TRDN: variants seen among roughly 807,000 people sequenced by gnomAD.
TRDN encodes the protein triadin in skeletal muscle.
TRDN carries 161 observed loss-of-function variants against 149.7 expected under a neutral mutation model. The observed-to-expected ratio is 1.08, with a 90% CI of 0.95 to 1.23. The LOEUF is 1.23. TRDN is among the 50% of genes most tolerant of loss of function. TRDN has a pLI of 0.00. For synonymous variants in TRDN, 294 were observed against 250.5 expected (o/e 1.17, Z -1.64); for missense variants, 896 against 823.5 (o/e 1.09, Z -1.08).
At chr6:123,629,008 T>C (rs999296414) in intron 1 of TRDN, among the ~76,000 whole-genome samples, 3 of 152,292 alleles carry the variant, frequency 2.0e-5, no homozygotes, top group Admixed American at 2.0e-4. Context: ...CATTTTACTA[T>C]ACTGTAGTAA....
chr6:123,246,368 C>T (rs1776181088), intron 38 of TRDN, among the ~76,000 whole-genome samples: 2 of 151,906 alleles, frequency 1.3e-5, no homozygotes, highest in Non-Finnish European at 1.5e-5. Flanking sequence ...AAAGAAGAAT[C>T]AAATAGACAC....
chr6:123,313,233 C>T lies in TRDN; in HGVS notation c.1510+3224G>A, dbSNP rs191907936. Among the ~76,000 whole-genome samples the T allele has an allele frequency of 7.9e-5, 12 of 151,978 alleles. No homozygotes were observed. The East Asian group carries it at 2.3e-3, about 30-fold the overall frequency. On this transcript the variant is annotated intron_variant, in intron 24 of 40. Transcript: ENST00000334268. Reference sequence around the variant, plus strand: ...TCCTTGCATTGCATTAGAATGTGCTCCTTTAGCTTAGTGAAGATCAATTTT... The same window carrying T: ...TCCTTGCATTGCATTAGAATGTGCTTCTTTAGCTTAGTGAAGATCAATTTT...
intron 24 of TRDN, among the ~76,000 whole-genome samples, chr6:123,289,930 A>G (rs1218244541): frequency 6.6e-6 from 1 of 152,128 alleles, no homozygotes; most frequent in Non-Finnish European, 1.5e-5. Flanking sequence ...ACAGAAAAAA[A>G]GTTCTCCACC....
chr6:123,436,022 AAC>A (rs1172747290), intron 12 of TRDN, among the ~76,000 whole-genome samples: 2 of 152,092 alleles, frequency 1.3e-5, no homozygotes, highest in Non-Finnish European at 2.9e-5. Context: ...AGCACACACA[AAC>A]ACACACAAAA....
intron 20 of TRDN, among the ~76,000 whole-genome samples, chr6:123,362,074 G>A (rs1359178174): frequency 6.6e-6 from 1 of 151,908 alleles, no homozygotes; most frequent in Non-Finnish European, 1.5e-5. Flanking sequence ...TTGTTATTAA[G>A]AATATTAACA....
intron 10 of TRDN, chr6:123,462,112 C>T (rs1407732777): frequency 6.6e-6 from 1 of 152,070 alleles, no homozygotes; most frequent in Non-Finnish European, 1.5e-5. Context: ...CTTTTCAAAA[C>T]CTATTGTAGC....
intron 1 of TRDN, among the ~76,000 whole-genome samples, chr6:123,599,067 G>A (rs797009865): frequency 3.4e-4 from 51 of 152,090 alleles, no homozygotes; most frequent in African/African-American, 1.2e-3. Flanking sequence ...AATAGTTGCA[G>A]TACTTAGCAA....
intron 1 of TRDN, among the ~76,000 whole-genome samples, chr6:123,585,124 C>G (rs988828854): frequency 7.0e-6 from 1 of 143,816 alleles, no homozygotes; most frequent in Non-Finnish European, 1.5e-5. Context: ...GTAGAGGTAT[C>G]TTATACTTGT....
chr6:123,328,367 C>A (rs1180495563), intron 23 of TRDN, among the ~76,000 whole-genome samples: 1 of 152,182 alleles, frequency 6.6e-6, no homozygotes, highest in African/African-American at 2.4e-5. Flanking sequence ...TGACCACACA[C>A]CCCCAACCAA....
rs560417470 is a variant in TRDN, at chr6:123,585,269, T to TA, written c.23-14138dup. Among the ~76,000 whole-genome samples the TA allele has an allele frequency of 9.0e-3, 1,371 of 151,878 alleles. 12 individuals are homozygous for TA. The highest frequency in any genetic ancestry group is 0.03 in the African/African-American group (1,231 of 41,402). On this transcript the variant is annotated intron_variant, in intron 1 of 40. Transcript: ENST00000334268. ...ATTTAGTTAAAGTGTCTCGGCCTAA[T>TA]AGGGAACTGGGCAGGTGGGGATAAT...
At chr6:123,225,703 A>G (rs1204647728) in intron 38 of TRDN, among the ~76,000 whole-genome samples, 1 of 151,790 alleles carries the variant, frequency 6.6e-6, no homozygotes, top group African/African-American at 2.4e-5. Flanking sequence ...CAATAAAATT[A>G]GTGGGGAAAG....
At chr6:123,476,919 T>G (rs1024437243) in intron 9 of TRDN, among the ~76,000 whole-genome samples, 4 of 150,246 alleles carry the variant, frequency 2.7e-5, no homozygotes, top group African/African-American at 9.8e-5. Context: ...TCAAGATGGA[T>G]TAAAGACTTA....
intron 1 of TRDN, among the ~76,000 whole-genome samples, chr6:123,600,783 T>C (rs757470856): frequency 6.6e-6 from 1 of 152,104 alleles, no homozygotes. Context: ...GAGACGTTCA[T>C]AAGTACAGGG....
chr6:123,454,776 G>A (rs771372232), intron 10 of TRDN, among the ~76,000 whole-genome samples: 2 of 152,210 alleles, frequency 1.3e-5, no homozygotes, highest in Non-Finnish European at 1.5e-5. Context: ...AGGGATCTAG[G>A]TTGCATGCTC....
intron 23 of TRDN, among the ~76,000 whole-genome samples, chr6:123,324,659 A>T (rs1280523913): frequency 6.6e-6 from 1 of 152,156 alleles, no homozygotes; most frequent in Non-Finnish European, 1.5e-5. Context: ...CTCTACACTT[A>T]GAGTTGCACG....
intron 1 of TRDN, among the ~76,000 whole-genome samples, chr6:123,601,023 TCTAC>T (rs1784251538): frequency 6.6e-6 from 1 of 152,226 alleles, no homozygotes; most frequent in African/African-American, 2.4e-5. Context: ...ACATGTTGTA[TCTAC>T]CTAATTCCTT....
intron 1 of TRDN, among the ~76,000 whole-genome samples, chr6:123,614,280 T>C (rs1450968047): frequency 7.9e-6 from 1 of 126,102 alleles, no homozygotes; most frequent in East Asian, 2.3e-4. Context: ...CGTGGGAAAG[T>C]GCTTCATTAA....
At position 123,400,184 on chromosome 6, in the gene TRDN, T is replaced by TATATAC. The variant is rs1440589796; in HGVS notation, c.1052-6508_1052-6507insGTATAT. ...ATGTATGTGTATATATATATATATA[T>TATATAC]ATATAAACACACACATACACATATA... On this transcript the variant is annotated intron_variant, in intron 12 of 40. Transcript: ENST00000334268. Among the ~76,000 whole-genome samples, 43 of 147,302 alleles carry TATATAC rather than the reference T, an allele frequency of 2.9e-4. 1 individual carries two copies. Among genetic ancestry groups the TATATAC allele is most frequent in the African/African-American group, 1.0e-3 (41 of 40,594 alleles).
intron 7 of TRDN, among the ~76,000 whole-genome samples, chr6:123,512,076 G>A (rs1779211270): frequency 6.8e-6 from 1 of 147,618 alleles, no homozygotes; most frequent in South Asian, 2.1e-4. Flanking sequence ...TCAAAATTCT[G>A]TCTACCACAT....
Sources: gnomAD v4.1 joint callset for allele counts (sites outside exome capture counted in the v4.1 genomes callset) on GRCh38, gnomAD v4.1.1 for gene constraint, MANE v1.5 for transcripts, NCBI Gene and HGNC (gene_info 2026-07-23, HGNC 2026-07-21) for gene names.